Variants in IL1RAPL1 observed in about 807,000 individuals in gnomAD.
IL1RAPL1 encodes the protein interleukin-1 receptor accessory protein-like 1.
A neutral mutation model predicts 48.4 loss-of-function variants in IL1RAPL1; 3 were observed. That is an observed-to-expected ratio of 0.06 (90% CI 0.03 to 0.16). The LOEUF (loss-of-function observed/expected upper bound fraction) is 0.16, where lower values mean the gene tolerates loss of function less well. IL1RAPL1 is among the 10% of genes least tolerant of loss of function. The probability of loss-of-function intolerance (pLI) is 1.00; values close to 1 mark genes in which losing one functional copy is unlikely to be tolerated. For missense variants in IL1RAPL1, 349 were observed against 530.6 expected (o/e 0.66, Z 3.36); for synonymous variants, 185 against 187.7 (o/e 0.99, Z 0.12).
At chrX:29,485,250 T>G (rs1231484133) in intron 5 of IL1RAPL1, among the ~76,000 whole-genome samples, 1 of 112,231 alleles carries the variant, frequency 8.9e-6, no homozygotes, top group African/African-American at 3.2e-5. Flanking sequence ...AATAATCCTT[T>G]GCCTATAGTT....
intron 1 of IL1RAPL1, among the ~76,000 whole-genome samples, chrX:28,663,503 C>T (rs1310926809): frequency 8.9e-6 from 1 of 112,029 alleles, no homozygotes; most frequent in Non-Finnish European, 1.9e-5. Context: ...TTTCATTTTT[C>T]AAGTCATTGG....
At chrX:29,286,380 T>TA (rs2147602024) in intron 3 of IL1RAPL1, among the ~76,000 whole-genome samples, 1 of 111,682 alleles carries the variant, frequency 9.0e-6, no homozygotes, top group South Asian at 3.7e-4. Context: ...AGTTTACTCT[T>TA]AAAAAAATAA....
chrX:28,675,857 G>A (rs1411109223), intron 1 of IL1RAPL1, among the ~76,000 whole-genome samples: 1 of 111,872 alleles, frequency 8.9e-6, no homozygotes, highest in African/African-American at 3.2e-5. Context: ...TGCTTAGGTT[G>A]TGCTGATTTA....
chrX:29,716,167 T>G (rs1927476975), intron 6 of IL1RAPL1, among the ~76,000 whole-genome samples: 1 of 111,189 alleles, frequency 9.0e-6, no homozygotes, highest in Non-Finnish European at 1.9e-5. Flanking sequence ...CAGGTGAAAC[T>G]GGGAGGGGCT....
chrX:29,324,011 A>G lies in IL1RAPL1; in HGVS notation c.362+40794A>G, dbSNP rs1235108314. ...TACCTCTTGTTTACTACCACAGCACACAACAGTTTCACATAACTTCACATT... is the reference window on the plus strand; with the variant it reads ...TACCTCTTGTTTACTACCACAGCACGCAACAGTTTCACATAACTTCACATT... On this transcript the variant is annotated intron_variant, in intron 3 of 10. Coordinates refer to ENST00000378993, the MANE Select transcript of IL1RAPL1 (RefSeq NM_014271.4). Among the ~76,000 whole-genome samples the G allele has an allele frequency of 2.8e-5, 3 of 106,601 alleles. No homozygotes were observed. In the Admixed American group the frequency reaches 3.1e-4, roughly 11 times the overall value. 92.6% of individuals were successfully genotyped at this position (106,601 alleles called of 115,157 possible). A position where few individuals can be genotyped will look rare whatever the true frequency, so the allele number is the denominator to read the frequency against.
At chrX:29,483,558 T>C (rs2147748069) in intron 5 of IL1RAPL1, among the ~76,000 whole-genome samples, 1 of 111,916 alleles carries the variant, frequency 8.9e-6, no homozygotes, top group Admixed American at 9.5e-5. Flanking sequence ...GTAACCTTCC[T>C]TAGTGAGACT....
At chrX:29,275,494 A>G (rs757357314) in intron 2 of IL1RAPL1, among the ~76,000 whole-genome samples, 177 of 111,695 alleles carry the variant, frequency 1.6e-3, no homozygotes, top group African/African-American at 5.2e-3. Flanking sequence ...TTGGCTTGCA[A>G]TTTTCTCTTC....
chrX:28,736,123 A>G (rs965983120), intron 1 of IL1RAPL1, among the ~76,000 whole-genome samples: 3 of 111,563 alleles, frequency 2.7e-5, no homozygotes, highest in Admixed American at 1.9e-4. Context: ...AATGTATACA[A>G]TCCTTGTTCA....
intron 2 of IL1RAPL1, among the ~76,000 whole-genome samples, chrX:28,855,378 C>T (rs1318832): frequency 0.52 from 56,375 of 108,574 alleles, 12,379 homozygotes; most frequent in African/African-American, 0.82. Flanking sequence ...GAAATAAGTA[C>T]TAATAATGGC....
chrX:29,197,709 T>A (rs1382800895), intron 2 of IL1RAPL1, among the ~76,000 whole-genome samples: 1 of 88,822 alleles, frequency 1.1e-5, no homozygotes, highest in Non-Finnish European at 2.3e-5. Flanking sequence ...CAGTGAGAAT[T>A]TTTTTTTTTT....
intron 5 of IL1RAPL1, among the ~76,000 whole-genome samples, chrX:29,604,131 A>G (rs1391948376): frequency 8.9e-6 from 1 of 112,014 alleles, no homozygotes; most frequent in African/African-American, 3.2e-5. Context: ...TACATGGACA[A>G]TATATCAAAA....
intron 1 of IL1RAPL1, among the ~76,000 whole-genome samples, chrX:28,705,053 A>C (rs761335889): frequency 1.4e-3 from 157 of 111,294 alleles, no homozygotes; most frequent in Middle Eastern, 4.7e-3. Flanking sequence ...GCTTTTGGAA[A>C]ATGTTTTGTA....
At chrX:28,646,430 T>A (rs1368427733) in intron 1 of IL1RAPL1, among the ~76,000 whole-genome samples, 1 of 112,395 alleles carries the variant, frequency 8.9e-6, no homozygotes, top group Non-Finnish European at 1.9e-5. Flanking sequence ...ACTTGTATCA[T>A]TTTACTGCTA....
At chrX:29,558,661 T>A (rs1922085087) in intron 5 of IL1RAPL1, among the ~76,000 whole-genome samples, 1 of 111,911 alleles carries the variant, frequency 8.9e-6, no homozygotes, top group African/African-American at 3.2e-5. Flanking sequence ...TCCAGTAGTT[T>A]TAAAGCTTCA....
At chrX:29,103,870 G>A (rs909078329) in intron 2 of IL1RAPL1, among the ~76,000 whole-genome samples, 1 of 111,736 alleles carries the variant, frequency 8.9e-6, no homozygotes, top group Non-Finnish European at 1.9e-5. Flanking sequence ...CTATGAAAAG[G>A]TACTCAACAT....
intron 5 of IL1RAPL1, among the ~76,000 whole-genome samples, chrX:29,440,322 C>A (rs780116474): frequency 2.7e-5 from 3 of 111,279 alleles, no homozygotes; most frequent in African/African-American, 9.8e-5. Flanking sequence ...ACCATCCTTA[C>A]CTGCATGGAA....
At chrX:28,887,004 C>A (rs909223221) in intron 2 of IL1RAPL1, among the ~76,000 whole-genome samples, 3 of 111,802 alleles carry the variant, frequency 2.7e-5, no homozygotes, top group Non-Finnish European at 5.6e-5. Context: ...GTACCTAGTA[C>A]ATTGATTTAA....
chrX:28,604,469 C>A (rs1231356861), intron 1 of IL1RAPL1, among the ~76,000 whole-genome samples: 1 of 111,113 alleles, frequency 9.0e-6, no homozygotes, highest in Non-Finnish European at 1.9e-5. Flanking sequence ...TGGCTCATAC[C>A]TGTAATCCCA....
chrX:28,773,159 G>A (rs1936327435), intron 1 of IL1RAPL1, among the ~76,000 whole-genome samples: 1 of 110,408 alleles, frequency 9.1e-6, no homozygotes, highest in Non-Finnish European at 1.9e-5. Context: ...CTGCAGCCTC[G>A]AACTCCTGGG....
Sources: allele counts gnomAD v4.1 joint callset (sites outside exome capture counted in the v4.1 genomes callset), GRCh38; gene constraint gnomAD v4.1.1; transcripts MANE v1.5; gene names NCBI Gene and HGNC (gene_info 2026-07-23, HGNC 2026-07-21).